The following ANK2 variants were observed in gnomAD, a reference collection of about 807,000 sequenced individuals.
The protein encoded by ANK2 is ankyrin-2.
A neutral mutation model predicts 360.5 loss-of-function variants in ANK2; 83 were observed. The ratio of observed to expected loss-of-function variants is 0.23; its 90% CI spans 0.19 to 0.28. The LOEUF (loss-of-function observed/expected upper bound fraction) is 0.28. Among genes scored for constraint, ANK2 ranks in the 10% least tolerant of loss-of-function variants. The pLI is 1.00. For synonymous variants in ANK2, 1,740 were observed against 1,759.5 expected (o/e 0.99, Z 0.28); for missense variants, 4,201 against 4,795.7 (o/e 0.88, Z 3.66).
chr4:112,943,124 C>T (rs1345357439), intron 2 of ANK2, among the ~76,000 whole-genome samples: 1 of 151,910 alleles, frequency 6.6e-6, no homozygotes, highest in Admixed American at 6.6e-5. Context: ...TGAACAGGGG[C>T]GTGGCAGAGT....
chr4:112,785,351 GTTTA>G, the ANK2 span, among the ~76,000 whole-genome samples: 5 of 151,356 alleles, frequency 3.3e-5, no homozygotes, highest in African/African-American at 7.3e-5. Flanking sequence ...TTTTCTTTTT[GTTTA>G]TTTATTTATT....
At chr4:112,820,788 G>T (rs981583168) in intron 1 of ANK2, among the ~76,000 whole-genome samples, 6 of 152,108 alleles carry the variant, frequency 3.9e-5, no homozygotes, top group African/African-American at 1.2e-4. Context: ...TGCCCAGGCT[G>T]GAGTGCAGGG....
chr4:113,228,508 C>A (rs2099252167), intron 4 of ANK2, among the ~76,000 whole-genome samples: 1 of 152,116 alleles, frequency 6.6e-6, no homozygotes, highest in African/African-American at 2.4e-5. Context: ...CTGCAAATGC[C>A]ATTATTTTGT....
chr4:113,134,611 C>A (rs1360764244), intron 1 of ANK2, among the ~76,000 whole-genome samples: 1 of 151,964 alleles, frequency 6.6e-6, no homozygotes, highest in Non-Finnish European at 1.5e-5. Context: ...AACACTTGAT[C>A]TCCAGGTCAG....
chr4:113,273,005 C>G (rs1188574597), intron 14 of ANK2, among the ~76,000 whole-genome samples: 1 of 151,822 alleles, frequency 6.6e-6, no homozygotes, highest in East Asian at 1.9e-4. Flanking sequence ...TCTCCCAATT[C>G]CTCTATTTTT....
intron 1 of ANK2, among the ~76,000 whole-genome samples, chr4:113,071,120 A>G (rs626507): frequency 0.015 from 2,292 of 152,284 alleles, 51 homozygotes; most frequent in African/African-American, 0.052. Flanking sequence ...CATAGTCCTA[A>G]AATAATTACT....
intron 1 of ANK2, among the ~76,000 whole-genome samples, chr4:113,073,609 G>A (rs1477602987): frequency 6.6e-6 from 1 of 152,094 alleles, no homozygotes; most frequent in Non-Finnish European, 1.5e-5. Flanking sequence ...TTTTAAAACA[G>A]CATACGGTCT....
the ANK2 span, among the ~76,000 whole-genome samples, chr4:112,778,610 C>T: frequency 2.6e-5 from 4 of 152,204 alleles, no homozygotes; most frequent in Non-Finnish European, 4.4e-5. Flanking sequence ...TGTCATTTCT[C>T]GCTGCTCTGA....
intron 23 of ANK2, among the ~76,000 whole-genome samples, chr4:113,307,094 C>T (rs2077557412): frequency 6.6e-6 from 1 of 152,112 alleles, no homozygotes; most frequent in African/African-American, 2.4e-5. Context: ...CTCATGTATG[C>T]CTTATTCTCA....
At chr4:112,929,958 C>T (rs1439918552) in intron 2 of ANK2, among the ~76,000 whole-genome samples, 2 of 152,188 alleles carry the variant, frequency 1.3e-5, no homozygotes, top group Non-Finnish European at 2.9e-5. Flanking sequence ...GTGATAGGAT[C>T]TGTGATTCAT....
chr4:112,826,239 T>A lies in ANK2; in HGVS notation c.-40+7975T>A, dbSNP rs549277087. The A allele has an allele frequency of 3.9e-5, 16 of 406,608 alleles. No individual in the cohort carries two copies. The South Asian group carries it at 4.0e-4, about 10-fold the overall frequency. 25.2% of individuals were successfully genotyped at this position (406,608 alleles called of 1,614,324 possible). A position where few individuals can be genotyped will look rare whatever the true frequency, so the allele number is the denominator to read the frequency against. Reference sequence around the variant, plus strand: ...CCAGTCAGTCCAGACTTTCTAAGTCTAAGGCCTATCTCATAACCTGTTGTT... The same window carrying A: ...CCAGTCAGTCCAGACTTTCTAAGTCAAAGGCCTATCTCATAACCTGTTGTT... On this transcript the variant is annotated intron_variant, in intron 1 of 30. Transcript: ENST00000503271.
the ANK2 span, among the ~76,000 whole-genome samples, chr4:112,735,530 C>T: frequency 7.2e-5 from 11 of 152,132 alleles, no homozygotes; most frequent in Non-Finnish European, 1.3e-4. Flanking sequence ...CATTCATCAT[C>T]TTCAAGGACT....
the ANK2 span, among the ~76,000 whole-genome samples, chr4:112,746,507 C>CAAA: frequency 5.7e-5 from 7 of 121,768 alleles, no homozygotes; most frequent in East Asian, 2.2e-4. Context: ...GATGCTGTCT[C>CAAA]AAAAAAAAAA....
chr4:113,337,731 A>G (rs137889744), intron 31 of ANK2, among the ~76,000 whole-genome samples: 1,731 of 152,268 alleles, frequency 0.011, 14 homozygotes, highest in Non-Finnish European at 0.019. Flanking sequence ...CATAAGTTTA[A>G]TAATAATGAG....
chr4:112,813,779 AC>A (rs1386575487), upstream of ANK2, among the ~76,000 whole-genome samples: 2 of 152,068 alleles, frequency 1.3e-5, no homozygotes, highest in Non-Finnish European at 2.9e-5. Context: ...CAAGCTGTCT[AC>A]CCATCTTGGC....
rs890061806 is a variant in ANK2 at position 112,838,560 on chromosome 4, T to C, written c.-40+20296T>C. On this transcript the variant is annotated intron_variant, in intron 1 of 30. Transcript: ENST00000503271. ...ACCTCATCCTTGGTTTCCAGTTCAT[T>C]GTTAGGATTAGAAAGTTATCCTAAT... is the stretch of plus-strand genomic sequence containing the variant. 3.9e-5 allele frequency among the ~76,000 whole-genome samples: 6 copies of C among 152,206 alleles called. No homozygotes were observed. The East Asian group carries it at 5.8e-4, about 15-fold the overall frequency.
At chr4:113,285,882 GTT>G (rs1386768136) in intron 18 of ANK2, among the ~76,000 whole-genome samples, 4 of 152,154 alleles carry the variant, frequency 2.6e-5, no homozygotes, top group African/African-American at 4.8e-5. Flanking sequence ...AACGCACAAC[GTT>G]ATAACAAAAG....
At chr4:112,800,837 G>A in the ANK2 span, among the ~76,000 whole-genome samples, 1 of 152,072 alleles carries the variant, frequency 6.6e-6, no homozygotes, top group Non-Finnish European at 1.5e-5. Context: ...TGTATTTTTA[G>A]TAGAGACGGG....
At chr4:113,196,840 C>A (rs551592785) in intron 3 of ANK2, among the ~76,000 whole-genome samples, 4 of 152,176 alleles carry the variant, frequency 2.6e-5, no homozygotes, top group Non-Finnish European at 5.9e-5. Flanking sequence ...TTTTCCCTCT[C>A]GTACATTTCA....
Sources: allele counts gnomAD v4.1 joint callset (sites outside exome capture counted in the v4.1 genomes callset), GRCh38; gene constraint gnomAD v4.1.1; transcripts MANE v1.5; gene names NCBI Gene and HGNC (gene_info 2026-07-23, HGNC 2026-07-21).